Variants in ATG10 observed in about 807,000 individuals in gnomAD.
ATG10 encodes autophagy related 10, also known as ubiquitin-like-conjugating enzyme ATG10.
ATG10 carries 30 observed loss-of-function variants against 32.1 expected under a neutral mutation model. That is an observed-to-expected ratio of 0.94 (90% CI 0.70 to 1.27). The LOEUF (loss-of-function observed/expected upper bound fraction) is 1.27, where lower values mean the gene tolerates loss of function less well. Ranked by LOEUF, ATG10 falls within the 50% of genes most tolerant of loss-of-function variation. The probability of loss-of-function intolerance (pLI) is 0.00; values close to 1 mark genes in which losing one functional copy is unlikely to be tolerated. For missense variants in ATG10, 233 were observed against 262.3 expected, an observed-to-expected ratio of 0.89 and a Z score of 0.77; for synonymous variants, 87 against 91.5, an observed-to-expected ratio of 0.95 and a Z score of 0.28.
intron 3 of ATG10, among the ~76,000 whole-genome samples, chr5:82,127,613 T>C (rs568344699): frequency 2.6e-5 from 4 of 152,250 alleles, no homozygotes; most frequent in South Asian, 2.1e-4. Flanking sequence ...TTTCTTCTTC[T>C]TGAGTTCTAA....
At chr5:82,101,308 C>A (rs542415905) in intron 3 of ATG10, among the ~76,000 whole-genome samples, 1 of 152,278 alleles carries the variant, frequency 6.6e-6, no homozygotes, top group African/African-American at 2.4e-5. Context: ...CAGACTCTTG[C>A]AATCACATCC....
chr5:82,174,602 T>G (rs1743938524), intron 4 of ATG10, among the ~76,000 whole-genome samples: 1 of 152,208 alleles, frequency 6.6e-6, no homozygotes, highest in African/African-American at 2.4e-5. Context: ...TAGTAAGTAA[T>G]TAGTTACTTG....
chr5:82,219,572 TTA>T (rs141861011), intron 5 of ATG10, among the ~76,000 whole-genome samples: 70,098 of 151,824 alleles, frequency 0.46, 17,851 homozygotes, highest in African/African-American at 0.68. Context: ...GTGCTGAGGC[TTA>T]TATGTTGCTT....
At chr5:82,151,654 A>G (rs943165161) in intron 3 of ATG10, among the ~76,000 whole-genome samples, 5 of 152,132 alleles carry the variant, frequency 3.3e-5, no homozygotes, top group African/African-American at 9.7e-5. Flanking sequence ...GGTAAAAGGT[A>G]AAAACAACAG....
At chr5:82,161,374 A>T (rs1271750683) in intron 3 of ATG10, among the ~76,000 whole-genome samples, 1 of 152,092 alleles carries the variant, frequency 6.6e-6, no homozygotes, top group Admixed American at 6.6e-5. Flanking sequence ...CAGGATTTTC[A>T]AGAAGCTTGT....
intron 3 of ATG10, among the ~76,000 whole-genome samples, chr5:82,160,235 G>A (rs1743259668): frequency 6.6e-6 from 1 of 152,166 alleles, no homozygotes; most frequent in Non-Finnish European, 1.5e-5. Flanking sequence ...CTTCAAAAGT[G>A]TTGTCACTTC....
intron 3 of ATG10, among the ~76,000 whole-genome samples, chr5:82,060,609 A>AT (rs1486511859): frequency 8.5e-5 from 13 of 152,182 alleles, no homozygotes; most frequent in Admixed American, 8.5e-4. Context: ...AACGCCTGTA[A>AT]TACCAGTACT....
At chr5:82,102,964 G>A (rs1765328627) in intron 3 of ATG10, among the ~76,000 whole-genome samples, 1 of 152,120 alleles carries the variant, frequency 6.6e-6, no homozygotes, top group African/African-American at 2.4e-5. Context: ...ACTGAATTGA[G>A]TTATGTTTTC....
intron 3 of ATG10, among the ~76,000 whole-genome samples, chr5:82,081,370 C>T (rs1764475587): frequency 2.0e-5 from 3 of 152,148 alleles, no homozygotes; most frequent in Admixed American, 6.5e-5. Flanking sequence ...TGCCTGATTG[C>T]CCTGGCCAGA....
intron 5 of ATG10, among the ~76,000 whole-genome samples, chr5:82,248,871 T>G (rs1747135660): frequency 6.6e-6 from 1 of 151,750 alleles, no homozygotes; most frequent in South Asian, 2.1e-4. Context: ...CTTTTAATTT[T>G]TAAAGACCAT....
intron 2 of ATG10, among the ~76,000 whole-genome samples, chr5:82,018,522 CTG>C (rs1762348578): frequency 1.3e-5 from 2 of 152,204 alleles, no homozygotes; most frequent in Non-Finnish European, 2.9e-5. Context: ...ACACCATAAA[CTG>C]TGCAGTTTGC....
intron 5 of ATG10, among the ~76,000 whole-genome samples, chr5:82,198,412 A>G (rs1397569822): frequency 6.6e-6 from 1 of 152,114 alleles, no homozygotes; most frequent in Non-Finnish European, 1.5e-5. Context: ...ACAGGTGTGC[A>G]CCACCATGCC....
At chr5:82,021,602 G>T (rs1182670820) in intron 2 of ATG10, among the ~76,000 whole-genome samples, 2 of 152,214 alleles carry the variant, frequency 1.3e-5, no homozygotes, top group Non-Finnish European at 2.9e-5. Context: ...TATTTTATCA[G>T]CCGGGCGTGG....
chr5:82,004,094 C>T (rs1761923424), intron 2 of ATG10, among the ~76,000 whole-genome samples: 1 of 149,616 alleles, frequency 6.7e-6, no homozygotes, highest in African/African-American at 2.4e-5. Context: ...GATTGTGCTA[C>T]TGCATTCCAG....
intron 5 of ATG10, among the ~76,000 whole-genome samples, chr5:82,240,681 A>G (rs2048198141): frequency 6.6e-6 from 1 of 152,220 alleles, no homozygotes; most frequent in Non-Finnish European, 1.5e-5. Flanking sequence ...AACATAAAGA[A>G]ATGATAAAGG....
intron 1 of ATG10, among the ~76,000 whole-genome samples, chr5:81,985,422 G>A (rs1036425373): frequency 6.6e-6 from 1 of 152,114 alleles, no homozygotes; most frequent in Non-Finnish European, 1.5e-5. Flanking sequence ...AATCGGTATT[G>A]CCAGCCCGGA....
At chr5:82,118,781 TG>T (rs2149823707) in intron 3 of ATG10, among the ~76,000 whole-genome samples, 1 of 152,208 alleles carries the variant, frequency 6.6e-6, no homozygotes, top group Admixed American at 6.5e-5. Context: ...GGCATGATAA[TG>T]GCTGAAGACT....
At chr5:82,085,390 T>A (rs1764646607) in intron 3 of ATG10, among the ~76,000 whole-genome samples, 1 of 150,268 alleles carries the variant, frequency 6.7e-6, no homozygotes, top group South Asian at 2.1e-4. Context: ...ATGGGAGACT[T>A]TAACACCCCA....
intron 3 of ATG10, among the ~76,000 whole-genome samples, chr5:82,103,445 A>G (rs1765343923): frequency 6.6e-6 from 1 of 151,984 alleles, no homozygotes; most frequent in African/African-American, 2.4e-5. Context: ...CAGTTTTGGG[A>G]TTCACTCTTA....
Sources: allele counts gnomAD v4.1 joint callset (sites outside exome capture counted in the v4.1 genomes callset), GRCh38; gene constraint gnomAD v4.1.1; transcripts MANE v1.5; gene names NCBI Gene and HGNC (gene_info 2026-07-23, HGNC 2026-07-21).